PRRX1: variants seen among roughly 807,000 people sequenced by gnomAD.
PRRX1 encodes paired related homeobox 1.
A neutral mutation model predicts 24.0 loss-of-function variants in PRRX1; 8 were observed. The ratio of observed to expected loss-of-function variants is 0.33; its 90% CI spans 0.20 to 0.60. The LOEUF is 0.60. Among genes scored for constraint, PRRX1 ranks in the 20% least tolerant of loss-of-function variants. The probability of loss-of-function intolerance (pLI) is 0.82; values close to 1 mark genes in which losing one functional copy is unlikely to be tolerated. For synonymous variants in PRRX1, 160 were observed against 131.7 expected (o/e 1.22, Z -1.47); for missense variants, 281 against 322.4 (o/e 0.87, Z 0.98).
chr1:170,689,878 G>T (rs1653878260), intron 1 of PRRX1, among the ~76,000 whole-genome samples: 1 of 145,834 alleles, frequency 6.9e-6, no homozygotes, highest in African/African-American at 2.6e-5. Context: ...CTCTCTCTGT[G>T]GGTGTGTGTG....
intron 1 of PRRX1, among the ~76,000 whole-genome samples, chr1:170,710,735 A>G (rs1654719630): frequency 6.6e-6 from 1 of 152,304 alleles, no homozygotes; most frequent in Admixed American, 6.5e-5. Context: ...TGTCTTTATA[A>G]GAAGAGACCA....
chr1:170,726,158 C>A, intron 2 of PRRX1, 62 bp from the exon 3 acceptor site: 1 of 1,479,388 alleles, frequency 6.8e-7, no homozygotes. Flanking sequence ...ATTCATGTAA[C>A]CCCTTCTTCT....
At chr1:170,713,595 G>A (rs1333894564) in intron 1 of PRRX1, among the ~76,000 whole-genome samples, 1 of 151,840 alleles carries the variant, frequency 6.6e-6, no homozygotes, top group Non-Finnish European at 1.5e-5. Context: ...TATTGAGAAA[G>A]TTAAATTTTG....
At chr1:170,686,864 G>T (rs1653759734) in intron 1 of PRRX1, among the ~76,000 whole-genome samples, 1 of 152,162 alleles carries the variant, frequency 6.6e-6, no homozygotes, top group African/African-American at 2.4e-5. Context: ...TAATGTGGGA[G>T]ACAGAACTAT....
intron 1 of PRRX1, among the ~76,000 whole-genome samples, chr1:170,690,670 A>G (rs1040414099): frequency 6.7e-6 from 1 of 150,004 alleles, no homozygotes; most frequent in African/African-American, 2.4e-5. Flanking sequence ...TGATAAGAAT[A>G]ATTATAATAT....
rs560498385 is a variant in PRRX1, at chr1:170,674,477, T to C, written c.241+10018T>C. 3.3e-5 allele frequency among the ~76,000 whole-genome samples: 5 copies of C among 152,342 alleles called. No homozygotes were observed. The South Asian group carries it at 1.0e-3, about 32-fold the overall frequency. The stretch of plus-strand genomic sequence containing the variant: ...TCCTTGCGAAACCTTCTCTGACTAC[T>C]TTATTCCAGACCACACAAATCTCTT... On this transcript the variant is annotated intron_variant, in intron 1 of 3. Coordinates refer to ENST00000239461, the MANE Select transcript of PRRX1 (RefSeq NM_022716.4).
chr1:170,737,311 G>A lies in PRRX1; in HGVS notation c.*1125G>A, dbSNP rs538673254. The A allele has an allele frequency of 5.8e-5, 11 of 188,868 alleles. No homozygotes were observed. In the South Asian group the frequency reaches 7.8e-4, roughly 13 times the overall value. 11.7% of individuals were successfully genotyped at this position (188,868 alleles called of 1,614,324 possible). A position where few individuals can be genotyped will look rare whatever the true frequency, so the allele number is the denominator to read the frequency against. ...TCTTGCTGCTTTTCTTTTTCTACAC[G>A]AAGTTTTCATTAAAGCCACAGAATA... On this transcript the variant is annotated 3_prime_UTR_variant, in exon 4 of 4. Transcript: ENST00000239461.
In PRRX1 at chr1:170,735,231, C is replaced by T. The variant is rs375453778; in HGVS notation, c.600-817C>T. Among the ~76,000 whole-genome samples, 3 of 152,238 alleles carry T rather than the reference C, an allele frequency of 2.0e-5. No homozygotes were observed. In the East Asian group the frequency reaches 5.8e-4, roughly 29 times the overall value. ...TTTCTGCCTAGTGGTGTTCTTAGGT[C>T]CTAATTGTAATCTATGACAATGAAA... On this transcript the variant is annotated intron_variant, in intron 3 of 3. Transcript: ENST00000239461.
chr1:170,723,394 G>A (rs1391794482), intron 2 of PRRX1, among the ~76,000 whole-genome samples: 1 of 148,626 alleles, frequency 6.7e-6, no homozygotes, highest in African/African-American at 2.6e-5. Flanking sequence ...TTGTTTTGTA[G>A]TTTTTCAAAT....
intron 1 of PRRX1, among the ~76,000 whole-genome samples, chr1:170,679,618 C>A (rs1653440352): frequency 6.6e-6 from 1 of 152,128 alleles, no homozygotes; most frequent in East Asian, 1.9e-4. Flanking sequence ...CCAGGATGGT[C>A]TCGATCTCCT....
In PRRX1 at chr1:170,679,006, A is replaced by G. The variant is rs1451971319; in HGVS notation, c.241+14547A>G. Among the ~76,000 whole-genome samples, 8 of 152,332 alleles carry G rather than the reference A, an allele frequency of 5.3e-5. No individual in the cohort carries two copies. The East Asian group carries it at 9.6e-4, about 18-fold the overall frequency. ...TTTATATCCCACAAAGTCTGAAAAC[A>G]CTGATCCAGACCACTTTCTCCCATA... On this transcript the variant is annotated intron_variant, in intron 1 of 3. Transcript: ENST00000239461.
intron 1 of PRRX1, among the ~76,000 whole-genome samples, chr1:170,673,171 A>T (rs996122147): frequency 6.6e-6 from 1 of 152,254 alleles, no homozygotes; most frequent in Non-Finnish European, 1.5e-5. Context: ...ACTCATAAAT[A>T]TATGAATTTG....
In PRRX1 at chr1:170,729,274, G is replaced by A. The variant is rs556543141; in HGVS notation, c.599+2873G>A. Among the ~76,000 whole-genome samples, 5 of 152,276 alleles carry A rather than the reference G, an allele frequency of 3.3e-5. No individual in the cohort carries two copies. In the South Asian group the frequency reaches 6.2e-4, roughly 19 times the overall value. ...TGCAAGAGATATCTCAGATCAGTGA[G>A]GCATGCCTGCAGCTGAAGTCCACAC... is the stretch of plus-strand genomic sequence containing the variant. On this transcript the variant is annotated intron_variant, in intron 3 of 3. Coordinates refer to ENST00000239461, the MANE Select transcript of PRRX1 (RefSeq NM_022716.4).
At chr1:170,715,699 C>CAAA (rs1654883974) in intron 1 of PRRX1, among the ~76,000 whole-genome samples, 1 of 152,138 alleles carries the variant, frequency 6.6e-6, no homozygotes, top group East Asian at 1.9e-4. Flanking sequence ...TTATGGATAT[C>CAAA]ATTGTAAAGA....
intron 1 of PRRX1, among the ~76,000 whole-genome samples, chr1:170,704,746 G>A (rs1363867293): frequency 6.6e-6 from 1 of 152,180 alleles, no homozygotes; most frequent in Non-Finnish European, 1.5e-5. Flanking sequence ...CACCTGGTGT[G>A]TAATAGACTA....
intron 2 of PRRX1, among the ~76,000 whole-genome samples, chr1:170,722,326 G>T (rs1460311634): frequency 6.6e-6 from 1 of 152,182 alleles, no homozygotes; most frequent in Non-Finnish European, 1.5e-5. Context: ...CCTCTTGGAT[G>T]GAGGCCATGT....
At chr1:170,684,133 G>A (rs916566509) in intron 1 of PRRX1, among the ~76,000 whole-genome samples, 2 of 152,090 alleles carry the variant, frequency 1.3e-5, no homozygotes, top group Non-Finnish European at 2.9e-5. Flanking sequence ...TCTGCTCCTG[G>A]GGTCATAGAT....
intron 3 of PRRX1, 92 bp downstream of exon 3, chr1:170,726,493 T>A: frequency 7.0e-7 from 1 of 1,437,218 alleles, no homozygotes; most frequent in Non-Finnish European, 9.7e-7. Flanking sequence ...TCACCGACAT[T>A]TCTTACTGGG....
At chr1:170,723,840 T>C (rs1655167487) in intron 2 of PRRX1, among the ~76,000 whole-genome samples, 1 of 152,214 alleles carries the variant, frequency 6.6e-6, no homozygotes, top group Admixed American at 6.5e-5. Context: ...TACTGAATAG[T>C]GTAGGCGATT....
Sources: allele counts gnomAD v4.1 joint callset (sites outside exome capture counted in the v4.1 genomes callset), GRCh38; gene constraint gnomAD v4.1.1; transcripts MANE v1.5; gene names NCBI Gene and HGNC (gene_info 2026-07-23, HGNC 2026-07-21).